VPS37A: variants seen among roughly 807,000 people sequenced by gnomAD.
VPS37A encodes vacuolar protein sorting-associated protein 37A.
A neutral mutation model predicts 49.8 loss-of-function variants in VPS37A; 30 were observed. The ratio of observed to expected loss-of-function variants is 0.60; its 90% confidence interval spans 0.45 to 0.82. VPS37A has a LOEUF of 0.82. VPS37A is among the 40% of genes least tolerant of loss of function. The pLI is 0.00. For missense variants in VPS37A, 593 were observed against 464.4 expected (o/e 1.28, Z -2.55); for synonymous variants, 195 against 160.6 (o/e 1.21, Z -1.62).
At chr8:17,301,458 T>G (rs1432741848), downstream of VPS37A, among the ~76,000 whole-genome samples, 2 of 152,146 alleles carry the variant, frequency 1.3e-5, no homozygotes, top group Non-Finnish European at 2.9e-5. Context: ...AAGGTCTAAA[T>G]TGTATACAAG....
the VPS37A span, among the ~76,000 whole-genome samples, chr8:17,315,750 A>G: frequency 6.6e-6 from 1 of 152,290 alleles, no homozygotes; most frequent in African/African-American, 2.4e-5. Context: ...AGTGCCTCAC[A>G]CCTGTAATCC....
intron 1 of VPS37A, among the ~76,000 whole-genome samples, chr8:17,259,743 T>C (rs984467055): frequency 6.6e-6 from 1 of 152,112 alleles, no homozygotes; most frequent in Non-Finnish European, 1.5e-5. Context: ...GTATGTACTT[T>C]GGAGCTCTGG....
At chr8:17,293,285 GT>G (rs1328971863) in intron 11 of VPS37A, among the ~76,000 whole-genome samples, 1 of 151,504 alleles carries the variant, frequency 6.6e-6, no homozygotes, top group Non-Finnish European at 1.5e-5. Context: ...CTCGTGCTGT[GT>G]TTTTCAGTTC....
the VPS37A span, among the ~76,000 whole-genome samples, chr8:17,316,611 A>G: frequency 0.013 from 2,039 of 152,220 alleles, 51 homozygotes; most frequent in African/African-American, 0.048. Flanking sequence ...CGGGTTCCAC[A>G]TCCTTGGAGT....
intron 4 of VPS37A, 98 bp downstream of exon 4, chr8:17,269,054 C>G: frequency 1.2e-6 from 1 of 804,468 alleles, no homozygotes; most frequent in Admixed American, 3.3e-5. Flanking sequence ...AATCAGTCCT[C>G]TGATTTCTAC....
downstream of VPS37A, among the ~76,000 whole-genome samples, chr8:17,303,074 T>TCA (rs1817233469): frequency 6.6e-6 from 1 of 152,098 alleles, no homozygotes; most frequent in South Asian, 2.1e-4. Flanking sequence ...AATGGTGTTA[T>TCA]CACAGAGTTA....
chr8:17,302,304 T>C (rs1817169753), downstream of VPS37A: 2 of 1,608,284 alleles, frequency 1.2e-6, no homozygotes, highest in Non-Finnish European at 1.7e-6. Context: ...CAAAGCGTCG[T>C]GATACCACCT....
At chr8:17,280,487 T>A (rs79817412) in intron 9 of VPS37A, 44 bp downstream of exon 9, 16 of 1,525,898 alleles carry the variant, frequency 1.0e-5, no homozygotes, top group African/African-American at 8.4e-5. Flanking sequence ...ATTTTTTTTT[T>A]AATCTTATGT....
At chr8:17,329,803 T>G in the VPS37A span, among the ~76,000 whole-genome samples, 2 of 152,162 alleles carry the variant, frequency 1.3e-5, no homozygotes, top group Admixed American at 6.5e-5. Context: ...CTCCAAAAGT[T>G]GAAGCTGCTC....
chr8:17,279,700 T>C (rs1453046471), intron 6 of VPS37A: 1 of 426,388 alleles, frequency 2.3e-6, no homozygotes, highest in South Asian at 1.8e-5. Flanking sequence ...CTGAGTTAAG[T>C]TGACTTTATT....
intron 11 of VPS37A, among the ~76,000 whole-genome samples, chr8:17,291,015 T>G (rs1006821352): frequency 8.5e-5 from 13 of 152,082 alleles, no homozygotes; most frequent in East Asian, 5.8e-4. Flanking sequence ...TGATCTTTTT[T>G]TTGTTGTTGT....
downstream of VPS37A, among the ~76,000 whole-genome samples, chr8:17,306,304 C>T (rs978929593): frequency 1.9e-4 from 29 of 151,684 alleles, no homozygotes; most frequent in African/African-American, 6.3e-4. Flanking sequence ...ACTTTATGAG[C>T]GGGTGAGAAG....
At chr8:17,320,836 T>G in the VPS37A span, among the ~76,000 whole-genome samples, 3 of 152,124 alleles carry the variant, frequency 2.0e-5, no homozygotes, top group South Asian at 6.2e-4. Flanking sequence ...CTCCATGAGC[T>G]CTCACCACTC....
rs1056439589 is a variant in VPS37A, at chr8:17,274,962, G to A, written c.642+4G>A. 2.5e-6 allele frequency: 4 copies of A among 1,611,862 alleles called. No homozygotes were observed. The highest frequency in any genetic ancestry group is 3.3e-5 in the Admixed American group (2 of 59,974). On this transcript the variant is annotated splice_donor_region_variant and intron_variant, in intron 5 of 11. Coordinates refer to ENST00000324849, the MANE Select transcript of VPS37A (RefSeq NM_152415.3). ...CACAGTGGATGCTTCAATACCGGTT[G>A]GTATCGTCAGTTATCTATATTTTGT...
At chr8:17,307,703 G>C in the VPS37A span, among the ~76,000 whole-genome samples, 1 of 152,170 alleles carries the variant, frequency 6.6e-6, no homozygotes. Context: ...ATATTATGCA[G>C]CCATAAAAAA....
In VPS37A at chr8:17,279,776, A is replaced by T. The variant is rs1008006412; in HGVS notation, c.714-252A>T. On this transcript the variant is annotated intron_variant, in intron 6 of 11. Coordinates refer to ENST00000324849, the MANE Select transcript of VPS37A (RefSeq NM_152415.3). Reference sequence around the variant, plus strand: ...CGGTTGTGATTTTTAAAGAAAGTAGATATATCGATATATCCATTGGACCAA... The same window carrying T: ...CGGTTGTGATTTTTAAAGAAAGTAGTTATATCGATATATCCATTGGACCAA... 5 of 531,766 alleles carry T rather than the reference A, an allele frequency of 9.4e-6. No individual in the cohort carries two copies. The Admixed American group carries it at 1.1e-4, about 12-fold the overall frequency. 32.9% of individuals were successfully genotyped at this position (531,766 alleles called of 1,614,324 possible).
intron 1 of VPS37A, among the ~76,000 whole-genome samples, chr8:17,253,116 C>G (rs927113672): frequency 6.6e-6 from 1 of 152,158 alleles, no homozygotes; most frequent in Non-Finnish European, 1.5e-5. Context: ...TCCGTTACTG[C>G]TTTAAAAAAA....
rs1482942995 is a variant in VPS37A, at chr8:17,247,242, A to G, written c.-3A>G. The G allele has an allele frequency of 1.9e-6, 3 of 1,568,964 alleles. No homozygotes were observed. Among genetic ancestry groups the G allele is most frequent in the Non-Finnish European group, 2.6e-6 (3 of 1,156,824 alleles). ...GGGCCTCCGGCCCGTGGACCCGAGG[A>G]GGATGAGCTGGCTTTTTCCCCTGAC... On this transcript the variant is annotated 5_prime_UTR_variant, in exon 1 of 12. Transcript: ENST00000324849.
chr8:17,259,173 T>G (rs932762977), intron 1 of VPS37A, among the ~76,000 whole-genome samples: 2 of 152,118 alleles, frequency 1.3e-5, no homozygotes, highest in Non-Finnish European at 2.9e-5. Context: ...TTGGGTTGTT[T>G]ATTTGAAGTC....
Sources: gnomAD v4.1 joint callset for allele counts (sites outside exome capture counted in the v4.1 genomes callset) on GRCh38, gnomAD v4.1.1 for gene constraint, MANE v1.5 for transcripts, NCBI Gene and HGNC (gene_info 2026-07-23, HGNC 2026-07-21) for gene names.